The following AUTS2 variants were observed in gnomAD, a reference collection of about 807,000 sequenced individuals.
AUTS2 encodes the protein activator of transcription and developmental regulator AUTS2.
In AUTS2, 17 loss-of-function variants were observed where a neutral mutation model predicts 112.4. That is an observed-to-expected ratio of 0.15 (90% CI 0.10 to 0.23). The LOEUF is 0.23. Ranked by LOEUF, AUTS2 falls within the 10% of genes least tolerant of loss-of-function variation. The pLI is 1.00. For missense variants in AUTS2, 1,510 were observed against 1,701.6 expected, an observed-to-expected ratio of 0.89 and a Z score of 1.98; for synonymous variants, 751 against 702.7, an observed-to-expected ratio of 1.07 and a Z score of -1.09.
chr7:70,367,179 A>G (rs948034556), intron 4 of AUTS2, among the ~76,000 whole-genome samples: 20 of 152,106 alleles, frequency 1.3e-4, no homozygotes, highest in African/African-American at 4.8e-4. Context: ...CACGAGAATC[A>G]CTTGCACCAG....
chr7:70,156,634 C>T (rs1807777914), intron 4 of AUTS2, among the ~76,000 whole-genome samples: 2 of 152,008 alleles, frequency 1.3e-5, no homozygotes, highest in South Asian at 4.2e-4. Flanking sequence ...CCTTCTCTCT[C>T]CACAAGACCT....
At chr7:70,717,015 A>T (rs66992957) in intron 6 of AUTS2, among the ~76,000 whole-genome samples, 1,714 of 9,780 alleles carry the variant, frequency 0.18, 245 homozygotes, top group Middle Eastern at 0.67. Context: ...TTTTTTTTTT[A>T]TTACTGTTTA....
chr7:70,392,169 C>G (rs1793894443), intron 4 of AUTS2, among the ~76,000 whole-genome samples: 1 of 152,188 alleles, frequency 6.6e-6, no homozygotes, highest in Non-Finnish European at 1.5e-5. Flanking sequence ...GTTCCTCGCC[C>G]TAGACAGAAG....
At chr7:70,037,574 T>C (rs1423984657) in intron 2 of AUTS2, among the ~76,000 whole-genome samples, 1 of 152,190 alleles carries the variant, frequency 6.6e-6, no homozygotes, top group Non-Finnish European at 1.5e-5. Flanking sequence ...CAATTAAAAA[T>C]TTTTTATATA....
chr7:70,645,382 C>G (rs1003844648), intron 5 of AUTS2, among the ~76,000 whole-genome samples: 14 of 152,112 alleles, frequency 9.2e-5, no homozygotes, highest in African/African-American at 3.4e-4. Flanking sequence ...AGAAGTGTCA[C>G]GGTGGGGCAG....
intron 2 of AUTS2, among the ~76,000 whole-genome samples, chr7:70,043,605 C>CTTCCT (rs1554434843): frequency 2.6e-3 from 43 of 16,456 alleles, no homozygotes; most frequent in African/African-American, 0.01. Flanking sequence ...TCCTTCCTTC[C>CTTCCT]TTTTTTTTTT....
At chr7:69,946,586 ACAC>A (rs1796821272) in intron 2 of AUTS2, among the ~76,000 whole-genome samples, 1 of 117,422 alleles carries the variant, frequency 8.5e-6, no homozygotes, top group African/African-American at 3.5e-5. Context: ...ACACACACAC[ACAC>A]ACACACACAC....
intron 6 of AUTS2, among the ~76,000 whole-genome samples, chr7:70,762,103 G>A (rs1359366494): frequency 6.6e-6 from 1 of 152,076 alleles, no homozygotes; most frequent in East Asian, 1.9e-4. Context: ...GGAAGGGAAG[G>A]CCAAGAAAAA....
intron 4 of AUTS2, among the ~76,000 whole-genome samples, chr7:70,208,445 T>C (rs998094471): frequency 1.3e-5 from 2 of 152,180 alleles, no homozygotes; most frequent in Admixed American, 6.5e-5. Context: ...CAAGGACTTT[T>C]AGAGTAATTG....
intron 2 of AUTS2, among the ~76,000 whole-genome samples, chr7:69,980,824 C>T (rs1343980144): frequency 1.3e-5 from 2 of 152,102 alleles, no homozygotes; most frequent in South Asian, 2.1e-4. Flanking sequence ...AAAAGATCCC[C>T]AGGAGTTTAC....
chr7:70,580,645 A>G (rs1802390210), intron 5 of AUTS2, among the ~76,000 whole-genome samples: 1 of 152,148 alleles, frequency 6.6e-6, no homozygotes. Flanking sequence ...CTCCCTGCAG[A>G]ATTGCTTGGG....
At chr7:70,581,172 C>T (rs920085365) in intron 5 of AUTS2, among the ~76,000 whole-genome samples, 15 of 152,010 alleles carry the variant, frequency 9.9e-5, no homozygotes, top group East Asian at 9.7e-4. Flanking sequence ...CACCTGAGGT[C>T]GGGAGTTCGA....
intron 3 of AUTS2, among the ~76,000 whole-genome samples, chr7:70,129,901 TTG>T (rs34163076): frequency 0.22 from 31,746 of 146,798 alleles, 3,421 homozygotes; most frequent in African/African-American, 0.3. Context: ...TATATATATA[TTG>T]TGTGTGTGTG....
intron 1 of AUTS2, among the ~76,000 whole-genome samples, chr7:69,809,250 A>G (rs181660770): frequency 5.2e-4 from 78 of 149,846 alleles, no homozygotes; most frequent in African/African-American, 1.7e-3. Context: ...AATTTTTTGT[A>G]TTTTTTTTTG....
At chr7:69,601,032 GA>G (rs1792377968) in intron 1 of AUTS2, among the ~76,000 whole-genome samples, 1 of 151,960 alleles carries the variant, frequency 6.6e-6, no homozygotes, top group East Asian at 1.9e-4. Flanking sequence ...GGGTTGGGGG[GA>G]AACTGTCTTT....
intron 1 of AUTS2, among the ~76,000 whole-genome samples, chr7:69,640,377 C>G (rs1260238263): frequency 6.6e-6 from 1 of 152,194 alleles, no homozygotes; most frequent in Non-Finnish European, 1.5e-5. Context: ...CTTTGTCTCT[C>G]TTAAGTAGTG....
intron 6 of AUTS2, among the ~76,000 whole-genome samples, chr7:70,719,709 G>A (rs1040077810): frequency 6.6e-6 from 1 of 152,018 alleles, no homozygotes. Flanking sequence ...TGATCCACCC[G>A]CCTCAGCCTC....
intron 5 of AUTS2, among the ~76,000 whole-genome samples, chr7:70,490,605 G>C (rs1798192800): frequency 1.3e-5 from 2 of 152,152 alleles, no homozygotes; most frequent in South Asian, 4.1e-4. Flanking sequence ...TTAGACCATA[G>C]ATGCCGAGAC....
At chr7:70,324,267 G>A (rs1255023137) in intron 4 of AUTS2, among the ~76,000 whole-genome samples, 1 of 152,066 alleles carries the variant, frequency 6.6e-6, no homozygotes, top group Non-Finnish European at 1.5e-5. Flanking sequence ...GAGGGTCTTG[G>A]GTCTTATGAA....
Sources: allele counts gnomAD v4.1 joint callset (sites outside exome capture counted in the v4.1 genomes callset), GRCh38; gene constraint gnomAD v4.1.1; transcripts MANE v1.5; gene names NCBI Gene and HGNC (gene_info 2026-07-23, HGNC 2026-07-21).